The following LCE3B variants were observed in gnomAD, a reference collection of about 807,000 sequenced individuals.
LCE3B encodes late cornified envelope 3B.
For missense variants in LCE3B, 61 were observed against 83.8 expected (o/e 0.73, Z 1.06); for synonymous variants, 23 against 33.1 (o/e 0.70, Z 1.05).
At chr1:152,613,840 C>A in the LCE3B span, 3 of 948,650 alleles carry the variant, frequency 3.2e-6, no homozygotes, top group African/African-American at 5.0e-5. Context: ...AGCAGCAGTG[C>A]CAGCCTCTGC....
rs748956856 is a variant in LCE3B at position 152,614,080 on chromosome 1, C to T, written c.270C>T (p.Gly90=). The change falls in exon 1 of 1, where the codon GGC becomes GGT. Residue 90 remains glycine, a synonymous_variant. Coordinates refer to ENST00000335633, the MANE Select transcript of LCE3B (RefSeq NM_178433.1). ...ATGGTGCCTCCGACTGTGGCTATGG[C>T]TCTGGAGGCTGCTGCTGACCTAATT... ...QQDGASDCGY[G]SGGCC 5.3e-6 allele frequency: 5 copies of T among 948,438 alleles called. 2 individuals are homozygous for T. In the East Asian group the frequency reaches 1.8e-4, roughly 34 times the overall value. 58.8% of individuals were successfully genotyped at this position (948,438 alleles called of 1,614,324 possible). A position where few individuals can be genotyped will look rare whatever the true frequency, so the allele number is the denominator to read the frequency against.
At position 152,614,066 on chromosome 1, in the gene LCE3B, G is replaced by A. The variant is rs1389195746; in HGVS notation, c.256G>A (p.Asp86Asn). ...CAGTGGTCAGCAAGATGGTGCCTCC[G>A]ACTGTGGCTATGGCTCTGGAGGCTG... ...RGSGQQDGAS[D>N]CGYGSGGCC The change falls in exon 1 of 1, where the codon GAC becomes AAC. Residue 86 changes from aspartate to asparagine, a missense_variant. Transcript: ENST00000335633. 1.4e-5 allele frequency: 13 copies of A among 949,026 alleles called. 5 individuals carry two copies. The highest frequency in any genetic ancestry group is 1.9e-5 in the Non-Finnish European group (13 of 675,944). 58.8% of individuals were successfully genotyped at this position (949,026 alleles called of 1,614,324 possible). A position where few individuals can be genotyped will look rare whatever the true frequency, so the allele number is the denominator to read the frequency against.
In LCE3B at chr1:152,614,061, C is replaced by A; in HGVS notation, c.251C>A (p.Ala84Asp). 1.1e-6 allele frequency: 1 copy of A among 948,910 alleles called. No individual in the cohort carries two copies. Among genetic ancestry groups the A allele is most frequent in the African/African-American group, 1.7e-5 (1 of 59,906 alleles). 58.8% of individuals were successfully genotyped at this position (948,910 alleles called of 1,614,324 possible). A position where few individuals can be genotyped will look rare whatever the true frequency, so the allele number is the denominator to read the frequency against. The change falls in exon 1 of 1, where the codon GCC becomes GAC. Residue 84 changes from alanine to aspartate, a missense_variant. By Grantham distance (126) the Ala-to-Asp change is moderately radical. Transcript: ENST00000335633. ...CDRGSGQQDG[A>D]SDCGYGSGGC... ...AGAGGCAGTGGTCAGCAAGATGGTG[C>A]CTCCGACTGTGGCTATGGCTCTGGA...
rs1175677748 is a variant in LCE3B at position 152,613,854 on chromosome 1, A to G, written c.44A>G (p.Lys15Arg). The change falls in exon 1 of 1, where the codon AAG becomes AGG. Residue 15 changes from lysine (K) to arginine (R), a missense_variant. Transcript: ENST00000335633. ...QNQQQCQPLP[K>R]CPSPKCPPKS... ...CAGCAGCAGTGCCAGCCTCTGCCCA[A>G]GTGCCCCTCACCCAAGTGCCCCCCA... is the stretch of plus-strand genomic sequence containing the variant. The G allele has an allele frequency of 3.2e-6, 3 of 948,710 alleles. 1 individual carries two copies. In the East Asian group the frequency reaches 1.1e-4, roughly 34 times the overall value. 58.8% of individuals were successfully genotyped at this position (948,710 alleles called of 1,614,324 possible). A position where few individuals can be genotyped will look rare whatever the true frequency, so the allele number is the denominator to read the frequency against.
rs1342471972 is a variant in LCE3B, at chr1:152,614,054, G to A, written c.244G>A (p.Asp82Asn). 2.1e-6 allele frequency: 2 copies of A among 949,156 alleles called. 1 individual carries two copies. Among genetic ancestry groups the A allele is most frequent in the Non-Finnish European group, 3.0e-6 (2 of 676,034 alleles). 58.8% of individuals were successfully genotyped at this position (949,156 alleles called of 1,614,324 possible). A position where few individuals can be genotyped will look rare whatever the true frequency, so the allele number is the denominator to read the frequency against. ...CTGTGACAGAGGCAGTGGTCAGCAA[G>A]ATGGTGCCTCCGACTGTGGCTATGG... ...NSCDRGSGQQ[D>N]GASDCGYGSG... Residue 82 changes from aspartate to asparagine, a missense_variant, in exon 1 of 1, where the codon GAT (aspartate) becomes AAT (asparagine). Transcript: ENST00000335633.
Position 152,614,076 on chromosome 1 carries a change from A to G in LCE3B, c.266A>G (p.Tyr89Cys). 2 of 948,540 alleles carry G rather than the reference A, an allele frequency of 2.1e-6. 1 individual carries two copies. Among genetic ancestry groups the G allele is most frequent in the Non-Finnish European group, 3.0e-6 (2 of 675,594 alleles). 58.8% of individuals were successfully genotyped at this position (948,540 alleles called of 1,614,324 possible). A position where few individuals can be genotyped will look rare whatever the true frequency, so the allele number is the denominator to read the frequency against. The change falls in exon 1 of 1, where the codon TAT (tyrosine) becomes TGT (cysteine). Residue 89 changes from tyrosine to cysteine, a missense_variant. Physicochemically the swap from Tyr to Cys is radical, Grantham distance 194. Coordinates refer to ENST00000335633, the MANE Select transcript of LCE3B (RefSeq NM_178433.1). ...GQQDGASDCG[Y>C]GSGGCC ...CAAGATGGTGCCTCCGACTGTGGCT[A>G]TGGCTCTGGAGGCTGCTGCTGACCT...
rs1461664770 is a variant in LCE3B at position 152,614,001 on chromosome 1, A to T, written c.191A>T (p.His64Leu). Residue 64 changes from histidine (H) to leucine (L), a missense_variant, in exon 1 of 1, where the codon CAC (histidine) becomes CTC (leucine). His to Leu is a moderately conservative substitution (Grantham distance 99). Coordinates refer to ENST00000335633, the MANE Select transcript of LCE3B (RefSeq NM_178433.1). The part of the protein sequence containing the change: ...CLSHHRCCRS[H>L]RCRRQSSNSC... The stretch of plus-strand genomic sequence containing the variant: ...AGCCACCACAGGTGCTGCAGGTCCC[A>T]CCGATGCCGGCGCCAGAGCTCCAAC... 1.1e-6 allele frequency: 1 copy of T among 948,294 alleles called. No homozygotes were observed. The highest frequency in any genetic ancestry group is 1.9e-5 in the South Asian group (1 of 53,442). 58.7% of individuals were successfully genotyped at this position (948,294 alleles called of 1,614,324 possible). A position where few individuals can be genotyped will look rare whatever the true frequency, so the allele number is the denominator to read the frequency against.
rs1369656774 is a variant in LCE3B at position 152,614,018 on chromosome 1, A to T, written c.208A>T (p.Ser70Cys). The change falls in exon 1 of 1, where the codon AGC (serine) becomes TGC (cysteine). Residue 70 changes from serine (S) to cysteine (C), a missense_variant. Ser to Cys is a moderately radical substitution (Grantham distance 112, BLOSUM62 -1). Coordinates refer to ENST00000335633, the MANE Select transcript of LCE3B (RefSeq NM_178433.1). ...CAGGTCCCACCGATGCCGGCGCCAG[A>T]GCTCCAACTCCTGTGACAGAGGCAG... Reference protein sequence around the residue: ...CCRSHRCRRQSSNSCDRGSGQ... With the variant: ...CCRSHRCRRQCSNSCDRGSGQ... 1 of 948,308 alleles carries T rather than the reference A, an allele frequency of 1.1e-6. No homozygotes were observed. Among genetic ancestry groups the T allele is most frequent in the African/African-American group, 1.7e-5 (1 of 59,558 alleles). The allele number at this position is 948,308 out of a possible 1,614,324, so 58.7% of individuals were successfully genotyped here.
At position 152,613,897 on chromosome 1, in the gene LCE3B, T is replaced by C; in HGVS notation, c.87T>C (p.Cys29=). 1 of 948,600 alleles carries C rather than the reference T, an allele frequency of 1.1e-6. No homozygotes were observed. The highest frequency in any genetic ancestry group is 1.5e-6 in the Non-Finnish European group (1 of 675,806). 58.8% of individuals were successfully genotyped at this position (948,600 alleles called of 1,614,324 possible). A position where few individuals can be genotyped will look rare whatever the true frequency, so the allele number is the denominator to read the frequency against. ...GCCCCCCAAAGAGCTCAGCACAGTGTCTGCCTCCAGCCTCCTCCTGCTGTG... is the reference window on the plus strand; with the variant it reads ...GCCCCCCAAAGAGCTCAGCACAGTGCCTGCCTCCAGCCTCCTCCTGCTGTG... The part of the protein sequence containing the change: ...PKCPPKSSAQ[C]LPPASSCCAP... The change falls in exon 1 of 1, where the codon TGT becomes TGC. Residue 29 remains cysteine, a synonymous_variant. Coordinates refer to ENST00000335633, the MANE Select transcript of LCE3B (RefSeq NM_178433.1).
Position 152,614,033 on chromosome 1 carries a change from G to A in LCE3B, c.223G>A (p.Asp75Asn). The change falls in exon 1 of 1, where the codon GAC (aspartate) becomes AAC (asparagine). Residue 75 changes from aspartate to asparagine, a missense_variant. By Grantham distance (23) the Asp-to-Asn change is conservative (BLOSUM62 1). Coordinates refer to ENST00000335633, the MANE Select transcript of LCE3B (RefSeq NM_178433.1). ...CCGGCGCCAGAGCTCCAACTCCTGTGACAGAGGCAGTGGTCAGCAAGATGG... is the reference window on the plus strand; with the variant it reads ...CCGGCGCCAGAGCTCCAACTCCTGTAACAGAGGCAGTGGTCAGCAAGATGG... ...RCRRQSSNSC[D>N]RGSGQQDGAS... 5.3e-6 allele frequency: 5 copies of A among 948,788 alleles called. 2 individuals carry two copies. The highest frequency in any genetic ancestry group is 7.4e-6 in the Non-Finnish European group (5 of 675,858). 58.8% of individuals were successfully genotyped at this position (948,788 alleles called of 1,614,324 possible).
rs1660549379 is a variant in LCE3B, at chr1:152,614,005, A to C, written c.195A>C (p.Arg65=). 2.1e-6 allele frequency: 2 copies of C among 948,256 alleles called. 1 individual carries two copies. Among genetic ancestry groups the C allele is most frequent in the African/African-American group, 3.4e-5 (2 of 59,488 alleles). 58.7% of individuals were successfully genotyped at this position (948,256 alleles called of 1,614,324 possible). A position where few individuals can be genotyped will look rare whatever the true frequency, so the allele number is the denominator to read the frequency against. ...ACCACAGGTGCTGCAGGTCCCACCG[A>C]TGCCGGCGCCAGAGCTCCAACTCCT... is the stretch of plus-strand genomic sequence containing the variant. ...LSHHRCCRSH[R]CRRQSSNSCD... is the part of the protein sequence containing the mutation. The change falls in exon 1 of 1, where the codon CGA becomes CGC. Residue 65 remains arginine, a synonymous_variant. Coordinates refer to ENST00000335633, the MANE Select transcript of LCE3B (RefSeq NM_178433.1).
chr1:152,613,823 C>T, the LCE3B span: 2 of 948,852 alleles, frequency 2.1e-6, 1 homozygote, highest in African/African-American at 3.4e-5. Flanking sequence ...GTCCTGCCAG[C>T]AGAACCAGCA....
chr1:152,613,931 C>T lies in LCE3B; in HGVS notation c.121C>T (p.Pro41Ser), dbSNP rs777417932. ...PPASSCCAPR[P>S]GCCGGPSSEG... ...AGCCTCCTCCTGCTGTGCTCCAAGACCTGGGTGCTGTGGTGGCCCCAGCTC... is the reference window on the plus strand; with the variant it reads ...AGCCTCCTCCTGCTGTGCTCCAAGATCTGGGTGCTGTGGTGGCCCCAGCTC... The change falls in exon 1 of 1, where the codon CCT becomes TCT. Residue 41 changes from proline (P) to serine (S), a missense_variant. Transcript: ENST00000335633. The T allele has an allele frequency of 2.1e-6, 2 of 948,454 alleles. No homozygotes were observed. The highest frequency in any genetic ancestry group is 1.5e-6 in the Non-Finnish European group (1 of 675,950). The allele number at this position is 948,454 out of a possible 1,614,324, so 58.8% of individuals were successfully genotyped here.
rs780936840 is a variant in LCE3B at position 152,613,913 on chromosome 1, T to G, written c.103T>G (p.Ser35Ala). ...SSAQCLPPAS[S>A]CCAPRPGCCG... ...AGCACAGTGTCTGCCTCCAGCCTCC[T>G]CCTGCTGTGCTCCAAGACCTGGGTG... is the stretch of plus-strand genomic sequence containing the variant. Residue 35 changes from serine to alanine, a missense_variant, in exon 1 of 1, where the codon TCC (serine) becomes GCC (alanine). Coordinates refer to ENST00000335633, the MANE Select transcript of LCE3B (RefSeq NM_178433.1). The G allele has an allele frequency of 1.1e-6, 1 of 948,556 alleles. No individual in the cohort carries two copies. Among genetic ancestry groups the G allele is most frequent in the Non-Finnish European group, 1.5e-6 (1 of 675,952 alleles). The allele number at this position is 948,556 out of a possible 1,614,324, so 58.8% of individuals were successfully genotyped here. A position where few individuals can be genotyped will look rare whatever the true frequency, so the allele number is the denominator to read the frequency against.
chr1:152,614,089 C>T lies in LCE3B; in HGVS notation c.279C>T (p.Gly93=), dbSNP rs756907274. 2 of 947,950 alleles carry T rather than the reference C, an allele frequency of 2.1e-6. No homozygotes were observed. The highest frequency in any genetic ancestry group is 7.1e-5 in the East Asian group (2 of 28,226). The allele number at this position is 947,950 out of a possible 1,614,324, so 58.7% of individuals were successfully genotyped here. ...GASDCGYGSG[G]CC ...CCGACTGTGGCTATGGCTCTGGAGGCTGCTGCTGACCTAATTCCTGATGCT... is the reference window on the plus strand; with the variant it reads ...CCGACTGTGGCTATGGCTCTGGAGGTTGCTGCTGACCTAATTCCTGATGCT... Residue 93 remains glycine (G), a synonymous_variant, in exon 1 of 1, where the codon GGC becomes GGT. Coordinates refer to ENST00000335633, the MANE Select transcript of LCE3B (RefSeq NM_178433.1).
rs1367361383 is a variant in LCE3B, at chr1:152,613,982, C to T, written c.172C>T (p.His58Tyr). 1.1e-6 allele frequency: 1 copy of T among 948,300 alleles called. No individual in the cohort carries two copies. The highest frequency in any genetic ancestry group is 1.7e-5 in the African/African-American group (1 of 59,448). 58.7% of individuals were successfully genotyped at this position (948,300 alleles called of 1,614,324 possible). The change falls in exon 1 of 1, where the codon CAC (histidine) becomes TAC (tyrosine). Residue 58 changes from histidine (H) to tyrosine (Y), a missense_variant. Physicochemically the swap from His to Tyr is moderately conservative, Grantham distance 83. Coordinates refer to ENST00000335633, the MANE Select transcript of LCE3B (RefSeq NM_178433.1). ...TGAGGGCGGCTGCTGCCTGAGCCAC[C>T]ACAGGTGCTGCAGGTCCCACCGATG... ...SSEGGCCLSHHRCCRSHRCRR... is the reference protein window; with the variant it reads ...SSEGGCCLSHYRCCRSHRCRR...
At position 152,614,004 on chromosome 1, in the gene LCE3B, G is replaced by A. The variant is rs775955401; in HGVS notation, c.194G>A (p.Arg65Gln). The A allele has an allele frequency of 7.4e-6, 7 of 948,424 alleles. 2 individuals are homozygous for A. Among genetic ancestry groups the A allele is most frequent in the Non-Finnish European group, 5.9e-6 (4 of 675,782 alleles). The allele number at this position is 948,424 out of a possible 1,614,324, so 58.8% of individuals were successfully genotyped here. Residue 65 changes from arginine (R) to glutamine (Q), a missense_variant, in exon 1 of 1, where the codon CGA becomes CAA. By Grantham distance (43) the Arg-to-Gln change is conservative (BLOSUM62 1). Transcript: ENST00000335633. ...CACCACAGGTGCTGCAGGTCCCACC[G>A]ATGCCGGCGCCAGAGCTCCAACTCC... ...LSHHRCCRSH[R>Q]CRRQSSNSCD...
rs753256993 is a variant in LCE3B, at chr1:152,613,920, G to A, written c.110G>A (p.Cys37Tyr). Residue 37 changes from cysteine to tyrosine, a missense_variant, in exon 1 of 1, where the codon TGT becomes TAT. By Grantham distance (194) the Cys-to-Tyr change is radical. Transcript: ENST00000335633. Reference protein sequence around the residue: ...AQCLPPASSCCAPRPGCCGGP... With the variant: ...AQCLPPASSCYAPRPGCCGGP... The stretch of plus-strand genomic sequence containing the variant: ...TGTCTGCCTCCAGCCTCCTCCTGCT[G>A]TGCTCCAAGACCTGGGTGCTGTGGT... 1.2e-4 allele frequency: 110 copies of A among 948,570 alleles called. 43 individuals are homozygous for A. Among genetic ancestry groups the A allele is most frequent in the Non-Finnish European group, 1.1e-4 (71 of 676,012 alleles). The allele number at this position is 948,570 out of a possible 1,614,324, so 58.8% of individuals were successfully genotyped here. A position where few individuals can be genotyped will look rare whatever the true frequency, so the allele number is the denominator to read the frequency against.
rs1557788177 is a variant in LCE3B at position 152,613,908 on chromosome 1, C to A, written c.98C>A (p.Ala33Asp). The A allele has an allele frequency of 3.2e-6, 3 of 948,622 alleles. 1 individual carries two copies. Among genetic ancestry groups the A allele is most frequent in the Non-Finnish European group, 4.4e-6 (3 of 675,876 alleles). The allele number at this position is 948,622 out of a possible 1,614,324, so 58.8% of individuals were successfully genotyped here. ...PKSSAQCLPPASSCCAPRPGC... is the reference protein window; with the variant it reads ...PKSSAQCLPPDSSCCAPRPGC... ...AGCTCAGCACAGTGTCTGCCTCCAG[C>A]CTCCTCCTGCTGTGCTCCAAGACCT... is the stretch of plus-strand genomic sequence containing the variant. Residue 33 changes from alanine to aspartate, a missense_variant, in exon 1 of 1, where the codon GCC (alanine) becomes GAC (aspartate). Physicochemically the swap from Ala to Asp is moderately radical, Grantham distance 126. Transcript: ENST00000335633.
Sources: gnomAD v4.1 joint callset for allele counts on GRCh38, gnomAD v4.1.1 for gene constraint, MANE v1.5 for transcripts, NCBI Gene and HGNC (gene_info 2026-07-23, HGNC 2026-07-21) for gene names.